CCNB1: variants seen among roughly 807,000 people sequenced by gnomAD.
The protein encoded by CCNB1 is G2/mitotic-specific cyclin-B1.
In CCNB1, 26 loss-of-function variants were observed where a neutral mutation model predicts 44.4. That is an observed-to-expected ratio of 0.59 (90% CI 0.43 to 0.81). The LOEUF (loss-of-function observed/expected upper bound fraction) is 0.81. CCNB1 is among the 40% of genes least tolerant of loss of function. CCNB1 has a pLI of 0.00. For synonymous variants in CCNB1, 195 were observed against 181.4 expected (o/e 1.08, Z -0.60); for missense variants, 477 against 520.9 (o/e 0.92, Z 0.82).
intron 3 of CCNB1, 72 bp downstream of exon 3, chr5:69,168,415 G>A (rs1053096996): frequency 6.5e-6 from 10 of 1,530,408 alleles, no homozygotes; most frequent in Admixed American, 3.5e-5. Context: ...ACATGCAAGA[G>A]CATTCAAATG....
At position 69,177,553 on chromosome 5, in the gene CCNB1, G is replaced by C. The variant is rs1747624533; in HGVS notation, c.1224G>C (p.Lys408Asn). The C allele has an allele frequency of 6.2e-7, 1 of 1,613,152 alleles. No homozygotes were observed. Residue 408 changes from lysine (K) to asparagine (N), a missense_variant, in exon 9 of 9, where the codon AAG becomes AAC. Coordinates refer to ENST00000256442, the MANE Select transcript of CCNB1 (RefSeq NM_031966.4). ...TCAAGAACAAGTATGCCACATCGAA[G>C]CATGCTAAGATCAGCACTCTACCAC... ...MTVKNKYATS[K>N]HAKISTLPQL...
chr5:69,171,532 C>T (rs921329211), intron 4 of CCNB1, 80 bp downstream of exon 4: 4 of 1,035,362 alleles, frequency 3.9e-6, no homozygotes, highest in Non-Finnish European at 5.6e-6. Context: ...TATAATAATA[C>T]AAGCAGGACG....
intron 4 of CCNB1, among the ~76,000 whole-genome samples, chr5:69,172,623 T>G (rs1421118129): frequency 6.6e-6 from 1 of 152,172 alleles, no homozygotes; most frequent in African/African-American, 2.4e-5. Flanking sequence ...TGCTCCTTTT[T>G]GGCCTCTCCT....
At chr5:69,168,763 A>C (rs1747396114) in intron 3 of CCNB1, among the ~76,000 whole-genome samples, 1 of 152,206 alleles carries the variant, frequency 6.6e-6, no homozygotes, top group Admixed American at 6.5e-5. Context: ...GTAAACATAG[A>C]ATGTTCTCTT....
intron 4 of CCNB1, among the ~76,000 whole-genome samples, chr5:69,172,444 A>G (rs1313621328): frequency 6.6e-6 from 1 of 152,010 alleles, no homozygotes; most frequent in Non-Finnish European, 1.5e-5. Context: ...TTTAGTAGAG[A>G]TGAGGTATCA....
chr5:69,174,807 C>G, intron 5 of CCNB1, 70 bp from the exon 6 acceptor site: 6 of 1,167,096 alleles, frequency 5.1e-6, no homozygotes, highest in South Asian at 1.3e-5. Flanking sequence ...GTCTTTCTAC[C>G]TCTCCTTCAT....
chr5:69,170,193 G>T (rs1747429543), intron 3 of CCNB1, among the ~76,000 whole-genome samples: 1 of 151,470 alleles, frequency 6.6e-6, no homozygotes, highest in South Asian at 2.1e-4. Context: ...ATGTTGGCCA[G>T]GCTGGTCTCG....
intron 8 of CCNB1, 69 bp downstream of exon 8, chr5:69,177,418 C>G: frequency 3.1e-6 from 4 of 1,270,002 alleles, no homozygotes; most frequent in Non-Finnish European, 4.6e-6. Flanking sequence ...CCTGCAAATG[C>G]CTGGTTTATT....
chr5:69,172,547 G>A lies in CCNB1; in HGVS notation c.546+1095G>A, dbSNP rs571789897. 2.6e-5 allele frequency among the ~76,000 whole-genome samples: 4 copies of A among 152,046 alleles called. No individual in the cohort carries two copies. The East Asian group carries it at 7.7e-4, about 29-fold the overall frequency. On this transcript the variant is annotated intron_variant, in intron 4 of 8. Coordinates refer to ENST00000256442, the MANE Select transcript of CCNB1 (RefSeq NM_031966.4). ...GCTGGGATTACAGGCCTGAGCAACCGCACCCAGCCCCCAGTTGTTTCTAAT... is the reference window on the plus strand; with the variant it reads ...GCTGGGATTACAGGCCTGAGCAACCACACCCAGCCCCCAGTTGTTTCTAAT...
intron 3 of CCNB1, 106 bp downstream of exon 3, chr5:69,168,449 T>C (rs1430942927): frequency 7.4e-7 from 1 of 1,353,346 alleles, no homozygotes; most frequent in Non-Finnish European, 1.0e-6. Context: ...ATACCATTTA[T>C]TGAGTGCTTA....
chr5:69,176,514 G>T (rs954670977), intron 7 of CCNB1, among the ~76,000 whole-genome samples: 2 of 148,828 alleles, frequency 1.3e-5, no homozygotes, highest in Admixed American at 1.3e-4. Context: ...CTGCCACCAC[G>T]CCCGGCTAAT....
intron 4 of CCNB1, 93 bp from the exon 5 acceptor site, chr5:69,174,158 C>T (rs1747525890): frequency 3.0e-6 from 3 of 1,007,416 alleles, no homozygotes; most frequent in African/African-American, 3.2e-5. Flanking sequence ...TATAAATGCC[C>T]CAGTGCTACT....
intron 3 of CCNB1, among the ~76,000 whole-genome samples, chr5:69,169,302 C>T (rs1212080620): frequency 6.6e-6 from 1 of 152,186 alleles, no homozygotes; most frequent in Non-Finnish European, 1.5e-5. Context: ...CATGATCCGC[C>T]CGCCTCGGCC....
chr5:69,177,771 G>C lies in CCNB1; in HGVS notation c.*140G>C, dbSNP rs1747630454. The C allele has an allele frequency of 1.7e-6, 1 of 592,652 alleles. No homozygotes were observed. The highest frequency in any genetic ancestry group is 2.2e-5 in the South Asian group (1 of 44,740). The allele number at this position is 592,652 out of a possible 1,614,324, so 36.7% of individuals were successfully genotyped here. On this transcript the variant is annotated 3_prime_UTR_variant, in exon 9 of 9. Transcript: ENST00000256442. ...TTATAGCTTAACTAATTTGAATGTG[G>C]TTACTTCCTACTGTAGGGTAGCGGA...
Position 69,167,195 on chromosome 5 carries a change from C to T in CCNB1, c.-68C>T. 3 of 1,431,656 alleles carry T rather than the reference C, an allele frequency of 2.1e-6. No homozygotes were observed. The highest frequency in any genetic ancestry group is 2.8e-6 in the Non-Finnish European group (3 of 1,056,096). 88.7% of individuals were successfully genotyped at this position (1,431,656 alleles called of 1,614,324 possible). The stretch of plus-strand genomic sequence containing the variant: ...CTGTTGGTTTCTGCTGGGTGTAGGT[C>T]CTTGGCTGGTCGGGCCTCCGGTGTT... On this transcript the variant is annotated 5_prime_UTR_variant, in exon 1 of 9. Coordinates refer to ENST00000256442, the MANE Select transcript of CCNB1 (RefSeq NM_031966.4).
chr5:69,175,180 C>A, intron 6 of CCNB1, 67 bp downstream of exon 6: 1 of 1,245,712 alleles, frequency 8.0e-7, no homozygotes. Context: ...TGACCAAGCA[C>A]GTTGAATTCA....
chr5:69,167,235 T>A lies in CCNB1; in HGVS notation c.-28T>A. The A allele has an allele frequency of 6.4e-7, 1 of 1,558,506 alleles. No individual in the cohort carries two copies. Among genetic ancestry groups the A allele is most frequent in the Non-Finnish European group, 8.7e-7 (1 of 1,151,782 alleles). On this transcript the variant is annotated 5_prime_UTR_variant, in exon 1 of 9. Transcript: ENST00000256442. ...CCTCCGGTGTTCTGCTTCTCCCCGC[T>A]GAGCTGCTGCCTGGTGAAGAGGAAG...
chr5:69,175,436 G>T lies in CCNB1; in HGVS notation c.982G>T (p.Glu328Ter), dbSNP rs1747562601. 1 of 1,614,032 alleles carries T rather than the reference G, an allele frequency of 6.2e-7. No individual in the cohort carries two copies. The highest frequency in any genetic ancestry group is 8.5e-7 in the Non-Finnish European group (1 of 1,179,916). The change falls in exon 7 of 9, where the codon GAA becomes TAA. Residue 328 changes from glutamate (E) to a stop codon, truncating the protein, a stop_gained. Transcript: ENST00000256442. LOFTEE classifies it high-confidence loss of function. The stretch of plus-strand genomic sequence containing the variant: ...ACATACTTTGGCCAAATACCTGATG[G>T]AACTAACTATGTTGGACTATGACAT... Reference protein sequence around the residue: ...EQHTLAKYLMELTMLDYDMVH... With the variant: ...EQHTLAKYLM
At chr5:69,171,919 C>CA (rs1160378536) in intron 4 of CCNB1, among the ~76,000 whole-genome samples, 4 of 152,226 alleles carry the variant, frequency 2.6e-5, no homozygotes, top group Non-Finnish European at 1.5e-5. Flanking sequence ...GGAGTACACT[C>CA]AAAAGCTACT....
Sources: gnomAD v4.1 joint callset for allele counts (sites outside exome capture counted in the v4.1 genomes callset) on GRCh38, gnomAD v4.1.1 for gene constraint, MANE v1.5 for transcripts, NCBI Gene and HGNC (gene_info 2026-07-23, HGNC 2026-07-21) for gene names.